FLT1: variants seen among roughly 807,000 people sequenced by gnomAD.
The protein encoded by FLT1 is vascular endothelial growth factor receptor 1.
Under a neutral mutation model 156.3 loss-of-function variants are expected in FLT1, and 49 were observed. That is an observed-to-expected ratio of 0.31 (90% confidence interval 0.25 to 0.40). The LOEUF is 0.40. Ranked by LOEUF, FLT1 falls within the 10% of genes least tolerant of loss-of-function variation. The pLI, the probability that FLT1 is intolerant of heterozygous loss-of-function variation, is 1.00. For missense variants in FLT1, 1,322 were observed against 1,637.2 expected, an observed-to-expected ratio of 0.81 and a Z score of 3.32; for synonymous variants, 594 against 583.8, an observed-to-expected ratio of 1.02 and a Z score of -0.25.
chr13:28,305,129 T>G (rs1363677891), intron 29 of FLT1, among the ~76,000 whole-genome samples: 2 of 152,200 alleles, frequency 1.3e-5, no homozygotes, highest in African/African-American at 2.4e-5. Context: ...GACTGCCCCA[T>G]TTTACATTTC....
intron 3 of FLT1, among the ~76,000 whole-genome samples, chr13:28,452,135 A>G (rs772383570): frequency 5.3e-5 from 8 of 152,120 alleles, no homozygotes; most frequent in Non-Finnish European, 8.8e-5. Flanking sequence ...GCATACTTCC[A>G]GTTTGCAACC....
At position 28,342,523 on chromosome 13, in the gene FLT1, C is replaced by T. The variant is rs183420832; in HGVS notation, c.2355+2922G>A. Among the ~76,000 whole-genome samples the T allele has an allele frequency of 2.2e-4, 33 of 152,298 alleles. No homozygotes were observed. In the Middle Eastern group the frequency reaches 0.014, roughly 63 times the overall value. On this transcript the variant is annotated intron_variant, in intron 16 of 29. Coordinates refer to ENST00000282397, the MANE Select transcript of FLT1 (RefSeq NM_002019.4). ...AGTTGTCATGTCTCAAAATCAGTCACTCCAAATGGCAAAAGCCTGATGTTA... is the reference window on the plus strand; with the variant it reads ...AGTTGTCATGTCTCAAAATCAGTCATTCCAAATGGCAAAAGCCTGATGTTA...
chr13:28,327,593 C>T, intron 19 of FLT1, 43 bp from the exon 20 acceptor site: 4 of 1,364,572 alleles, frequency 2.9e-6, no homozygotes, highest in Non-Finnish European at 2.1e-6. Flanking sequence ...CCACACCAAG[C>T]CAGTCAGCCA....
intron 3 of FLT1, among the ~76,000 whole-genome samples, chr13:28,454,487 T>C (rs558748605): frequency 1.1e-4 from 17 of 152,358 alleles, no homozygotes; most frequent in African/African-American, 3.8e-4. Context: ...TTTGTTGCCA[T>C]CTCTGCCATA....
intron 1 of FLT1, among the ~76,000 whole-genome samples, chr13:28,483,974 G>C (rs1209054524): frequency 6.6e-6 from 1 of 152,196 alleles, no homozygotes; most frequent in African/African-American, 2.4e-5. Context: ...TGGCTTGGCT[G>C]TTCCATAAAT....
At position 28,357,698 on chromosome 13, in the gene FLT1, A is replaced by G. The variant is rs749659223; in HGVS notation, c.2117-13T>C. The G allele has an allele frequency of 6.2e-7, 1 of 1,612,606 alleles. No individual in the cohort carries two copies. The highest frequency in any genetic ancestry group is 8.5e-7 in the Non-Finnish European group (1 of 1,179,024). ...CCTAAAATAATTCCTGAGGGGTGAG[A>G]GATGTTTAGATTAGTGGGCCTGGAT... On this transcript the variant is annotated splice_polypyrimidine_tract_variant and intron_variant, in intron 14 of 29. Transcript: ENST00000282397.
At chr13:28,428,044 G>T in intron 8 of FLT1, 123 bp from the exon 9 acceptor site, 1 of 811,362 alleles carries the variant, frequency 1.2e-6, no homozygotes, top group Non-Finnish European at 2.1e-6. Flanking sequence ...CATCAGTGTT[G>T]ATTTTTAAAA....
intron 28 of FLT1, 100 bp from the exon 29 acceptor site, chr13:28,306,872 C>G (rs1268120895): frequency 2.5e-6 from 2 of 784,868 alleles, no homozygotes; most frequent in Admixed American, 3.8e-5. Context: ...GATCCAGGCT[C>G]TGCCTCACCC....
chr13:28,321,862 C>T (rs1871476076), intron 22 of FLT1, among the ~76,000 whole-genome samples: 1 of 152,254 alleles, frequency 6.6e-6, no homozygotes, highest in Admixed American at 6.5e-5. Context: ...ACTTTCCCCA[C>T]AGTCTTTTAT....
chr13:28,445,455 A>G (rs1308639030), intron 3 of FLT1, among the ~76,000 whole-genome samples: 1 of 152,208 alleles, frequency 6.6e-6, no homozygotes, highest in Non-Finnish European at 1.5e-5. Flanking sequence ...AGCCTGGGTG[A>G]CAGAGCTAGA....
intron 3 of FLT1, 50 bp downstream of exon 3, chr13:28,466,853 A>T: frequency 7.9e-7 from 1 of 1,262,398 alleles, no homozygotes; most frequent in Non-Finnish European, 1.2e-6. Context: ...TAGATTTATG[A>T]CTCATTTGCA....
intron 19 of FLT1, among the ~76,000 whole-genome samples, chr13:28,327,991 G>C (rs1566288378): frequency 6.6e-6 from 1 of 152,058 alleles, no homozygotes; most frequent in Non-Finnish European, 1.5e-5. Flanking sequence ...GCCGTCTCTC[G>C]CCAGCAGTGT....
Position 28,303,125 on chromosome 13 carries a change from A to C in FLT1, c.*42T>G, listed in dbSNP as rs1461975478. ...GCAAAAGCTAGTTTCCTGGGGGTAT[A>C]AATACACATGTGCTTCTAGAAATAA... On this transcript the variant is annotated 3_prime_UTR_variant, in exon 30 of 30. Coordinates refer to ENST00000282397, the MANE Select transcript of FLT1 (RefSeq NM_002019.4). 6.4e-7 allele frequency: 1 copy of C among 1,567,904 alleles called. No individual in the cohort carries two copies. Among genetic ancestry groups the C allele is most frequent in the Admixed American group, 1.7e-5 (1 of 59,956 alleles).
chr13:28,434,280 T>C, intron 4 of FLT1, 60 bp from the exon 5 acceptor site: 1 of 1,460,050 alleles, frequency 6.8e-7, no homozygotes, highest in Non-Finnish European at 9.5e-7. Context: ...CAATACTGTT[T>C]CACCAGCAGT....
intron 3 of FLT1, among the ~76,000 whole-genome samples, chr13:28,461,756 T>G (rs1014660339): frequency 2.6e-5 from 4 of 152,216 alleles, no homozygotes; most frequent in African/African-American, 9.6e-5. Flanking sequence ...TAATTATTAT[T>G]CTCTCCCAGA....
chr13:28,414,065 C>T (rs987112064), intron 10 of FLT1, among the ~76,000 whole-genome samples: 3 of 152,150 alleles, frequency 2.0e-5, no homozygotes, highest in African/African-American at 7.2e-5. Context: ...ATGTCATTGG[C>T]CAACATTGAG....
At chr13:28,470,334 C>T (rs1880090223) in intron 1 of FLT1, among the ~76,000 whole-genome samples, 1 of 152,216 alleles carries the variant, frequency 6.6e-6, no homozygotes, top group South Asian at 2.1e-4. Context: ...TAACACCTGC[C>T]CTGAGAAACT....
At chr13:28,366,652 G>C (rs1873307965) in intron 14 of FLT1, among the ~76,000 whole-genome samples, 1 of 151,876 alleles carries the variant, frequency 6.6e-6, no homozygotes, top group African/African-American at 2.4e-5. Context: ...TGTATTTTTA[G>C]TAGTGGTGGG....
At chr13:28,350,917 CTCCT>C (rs1357082288) in intron 15 of FLT1, among the ~76,000 whole-genome samples, 4 of 150,116 alleles carry the variant, frequency 2.7e-5, no homozygotes, top group Non-Finnish European at 4.4e-5. Flanking sequence ...CCTTCCTTCC[CTCCT>C]TCCTTCCTTC....
Sources: gnomAD v4.1 joint callset for allele counts (sites outside exome capture counted in the v4.1 genomes callset) on GRCh38, gnomAD v4.1.1 for gene constraint, MANE v1.5 for transcripts, NCBI Gene and HGNC (gene_info 2026-07-23, HGNC 2026-07-21) for gene names.